IWS1: variants seen among roughly 807,000 people sequenced by gnomAD.
IWS1 encodes the protein protein IWS1 homolog.
IWS1 carries 27 observed loss-of-function variants against 86.7 expected under a neutral mutation model. The ratio of observed to expected loss-of-function variants is 0.31; its 90% confidence interval spans 0.23 to 0.43. The LOEUF is 0.43. Among genes scored for constraint, IWS1 ranks in the 20% least tolerant of loss-of-function variants. The pLI, the probability that IWS1 is intolerant of heterozygous loss-of-function variation, is 1.00. For synonymous variants in IWS1, 313 were observed against 335.1 expected (o/e 0.93, Z 0.72); for missense variants, 827 against 1,000.8 (o/e 0.83, Z 2.34).
rs1168216235 is a variant in IWS1, at chr2:127,497,935, AAAGT to A, written c.1565+201_1565+204del. Among the ~76,000 whole-genome samples the A allele has an allele frequency of 3.3e-5, 5 of 152,356 alleles. No homozygotes were observed. In the East Asian group the frequency reaches 9.6e-4, roughly 29 times the overall value. ...TGGTGCCATATAAATACAACTCCAC[AAAGT>A]AAGACATCTGAGCACAGGGTAAATG... On this transcript the variant is annotated intron_variant, in intron 6 of 13. Transcript: ENST00000295321.
At chr2:127,492,117 T>C in intron 9 of IWS1, 29 bp from the exon 10 acceptor site, 1 of 1,429,542 alleles carries the variant, frequency 7.0e-7, no homozygotes, top group Non-Finnish European at 9.9e-7. Context: ...TACACACATA[T>C]TAATCACTCG....
In IWS1 at chr2:127,503,547, C is replaced by A; in HGVS notation, c.1249G>T (p.Ala417Ser). The A allele has an allele frequency of 6.2e-7, 1 of 1,607,062 alleles. No individual in the cohort carries two copies. Among genetic ancestry groups the A allele is most frequent in the Non-Finnish European group, 8.5e-7 (1 of 1,176,682 alleles). ...ACAGCATCACTGTCAGAGTCATCTGCATCAGAGACAACACGACTCTTCTTT... is the reference window on the plus strand; with the variant it reads ...ACAGCATCACTGTCAGAGTCATCTGAATCAGAGACAACACGACTCTTCTTT... ...SAKKSRVVSD[A>S]DDSDSDAVSD... The change falls in exon 4 of 14, where the codon GCA (alanine) becomes TCA (serine). Residue 417 changes from alanine (A) to serine (S), a missense_variant. By Grantham distance (99) the Ala-to-Ser change is moderately conservative. Around this residue, in one of 2 missense-constraint regions of IWS1, gnomAD observed 548 missense variants for 560.2 expected, o/e 0.98. Transcript: ENST00000295321.
chr2:127,524,500 A>G (rs552721924), intron 1 of IWS1, among the ~76,000 whole-genome samples: 49 of 152,104 alleles, frequency 3.2e-4, no homozygotes, highest in Non-Finnish European at 6.0e-4. Context: ...ATACAGAGTA[A>G]AATCGTATTT....
At chr2:127,525,650 G>A (rs936500754) in intron 1 of IWS1, among the ~76,000 whole-genome samples, 8 of 152,192 alleles carry the variant, frequency 5.3e-5, no homozygotes, top group African/African-American at 1.9e-4. Context: ...ACTTCGGTGA[G>A]GAGGAAGAGG....
intron 2 of IWS1, among the ~76,000 whole-genome samples, chr2:127,518,219 A>G (rs1691881212): frequency 6.6e-6 from 1 of 152,216 alleles, no homozygotes; most frequent in Non-Finnish European, 1.5e-5. Flanking sequence ...ATTGATCTCA[A>G]TAGAGCCCTT....
At chr2:127,486,516 A>C (rs1213053774) in intron 13 of IWS1, 37 bp downstream of exon 13, 1 of 1,356,970 alleles carries the variant, frequency 7.4e-7, no homozygotes, top group East Asian at 2.3e-5. Flanking sequence ...AGTAATCTGC[A>C]GGTGAGATCC....
intron 2 of IWS1, among the ~76,000 whole-genome samples, chr2:127,512,992 G>A (rs1417603681): frequency 6.6e-6 from 1 of 152,210 alleles, no homozygotes; most frequent in Non-Finnish European, 1.5e-5. Flanking sequence ...ATAAAACCCA[G>A]CACTTTGGGA....
chr2:127,498,970 A>C (rs1359102904), intron 5 of IWS1: 1 of 152,110 alleles, frequency 6.6e-6, no homozygotes, highest in Non-Finnish European at 1.5e-5. Flanking sequence ...TTTTCTTATC[A>C]GTATGTAAAA....
chr2:127,522,580 G>A (rs758902849), intron 2 of IWS1, among the ~76,000 whole-genome samples: 2 of 152,230 alleles, frequency 1.3e-5, no homozygotes, highest in African/African-American at 2.4e-5. Context: ...TGTATGATAT[G>A]CTAATGTTGC....
intron 2 of IWS1, chr2:127,515,009 T>A (rs1691693206): frequency 6.6e-6 from 1 of 152,264 alleles, no homozygotes; most frequent in African/African-American, 2.4e-5. Flanking sequence ...AAGTAACATG[T>A]TCAATTCTCC....
At position 127,504,734 on chromosome 2, in the gene IWS1, GCTA is replaced by G. The variant is rs745934453; in HGVS notation, c.1166_1168del (p.Val389del). On this transcript the variant is annotated inframe_deletion, in exon 3 of 14. Coordinates refer to ENST00000295321, the MANE Select transcript of IWS1 (RefSeq NM_017969.3). ...AGAAAGCACAGCAGCTTTTCTCTTC[GCTA>G]CTTTCTCCTCCTCACCCTCTTTTTC... The G allele has an allele frequency of 3.7e-6, 6 of 1,612,620 alleles. No homozygotes were observed. The highest frequency in any genetic ancestry group is 1.7e-4 in the Middle Eastern group (1 of 6,058).
Position 127,493,319 on chromosome 2 carries a change from G to C in IWS1, c.1891C>G (p.Leu631Val). Residue 631 changes from leucine (L) to valine (V), a missense_variant, in exon 9 of 14, where the codon CTC (leucine) becomes GTC (valine). By Grantham distance (32) the Leu-to-Val change is conservative. Coordinates refer to ENST00000295321, the MANE Select transcript of IWS1 (RefSeq NM_017969.3). ...SPLPDRSLPALKIREELLKIL... is the reference protein window; with the variant it reads ...SPLPDRSLPAVKIREELLKIL... Reference sequence around the variant, plus strand: ...TTCAGCAGCTCCTCCCGGATCTTGAGTGCAGGCAAACTCCTATCTGGTAGA... The same window carrying C: ...TTCAGCAGCTCCTCCCGGATCTTGACTGCAGGCAAACTCCTATCTGGTAGA... 1 of 1,613,606 alleles carries C rather than the reference G, an allele frequency of 6.2e-7. No homozygotes were observed. The highest frequency in any genetic ancestry group is 8.5e-7 in the Non-Finnish European group (1 of 1,179,864).
chr2:127,500,396 T>C (rs1466283934), intron 5 of IWS1, among the ~76,000 whole-genome samples: 2 of 152,196 alleles, frequency 1.3e-5, no homozygotes, highest in Non-Finnish European at 2.9e-5. Flanking sequence ...TTTTGATTTT[T>C]AAGTGTGCAT....
intron 13 of IWS1, among the ~76,000 whole-genome samples, chr2:127,483,846 A>G (rs1368412756): frequency 6.6e-6 from 1 of 152,112 alleles, no homozygotes; most frequent in African/African-American, 2.4e-5. Context: ...GTCCAGGCTG[A>G]TATTTAGTAT....
At chr2:127,503,007 T>C (rs1423399995) in intron 4 of IWS1, 135 bp from the exon 5 acceptor site, 5 of 598,210 alleles carry the variant, frequency 8.4e-6, no homozygotes, top group East Asian at 5.5e-5. Flanking sequence ...TTTTAACAAA[T>C]ATATACACTC....
chr2:127,499,357 T>C lies in IWS1; in HGVS notation c.1468-1120A>G, dbSNP rs1690683594. ...CGCCCACCTCGGCCTCCCAAAGTGCTGGGATTACAGGCGTGAGCCACCGCG... is the reference window on the plus strand; with the variant it reads ...CGCCCACCTCGGCCTCCCAAAGTGCCGGGATTACAGGCGTGAGCCACCGCG... On this transcript the variant is annotated intron_variant, in intron 5 of 13. Coordinates refer to ENST00000295321, the MANE Select transcript of IWS1 (RefSeq NM_017969.3). The surrounding 1 kb of genome is among the most constrained non-coding windows in gnomAD (Gnocchi z 4.0). Among the ~76,000 whole-genome samples the C allele has an allele frequency of 1.3e-5, 2 of 152,222 alleles. No individual in the cohort carries two copies. Among genetic ancestry groups the C allele is most frequent in the Admixed American group, 1.3e-4 (2 of 15,282 alleles).
intron 9 of IWS1, among the ~76,000 whole-genome samples, chr2:127,492,326 C>A (rs995423013): frequency 9.9e-5 from 15 of 152,272 alleles, no homozygotes; most frequent in Middle Eastern, 3.4e-3. Flanking sequence ...GGGTGGATCA[C>A]CTGAGGTCAA....
chr2:127,513,055 A>G (rs2104723344), intron 2 of IWS1, among the ~76,000 whole-genome samples: 1 of 152,340 alleles, frequency 6.6e-6, no homozygotes, highest in East Asian at 1.9e-4. Context: ...AGCCTGGCCA[A>G]TAGGGTGAAA....
chr2:127,481,505 A>G (rs1490687870), intron 13 of IWS1, among the ~76,000 whole-genome samples: 1 of 152,176 alleles, frequency 6.6e-6, no homozygotes, highest in Non-Finnish European at 1.5e-5. Context: ...TTTTAACTGC[A>G]TGCGTTTCCC....
Sources: allele counts gnomAD v4.1 joint callset (sites outside exome capture counted in the v4.1 genomes callset), GRCh38; gene constraint gnomAD v4.1.1; regional missense constraint gnomAD v4.1.1; non-coding constraint Gnocchi (gnomAD v3.1); transcripts MANE v1.5; gene names NCBI Gene and HGNC (gene_info 2026-07-23, HGNC 2026-07-21).